The following CNTN1 variants were observed in gnomAD, a reference collection of about 807,000 sequenced individuals.
CNTN1 encodes the protein contactin-1.
In CNTN1, 38 loss-of-function variants were observed where a neutral mutation model predicts 126.4. That is an observed-to-expected ratio of 0.30 (90% confidence interval 0.23 to 0.39). CNTN1 has a LOEUF of 0.39. Among genes scored for constraint, CNTN1 ranks in the 10% least tolerant of loss-of-function variants. CNTN1 has a pLI of 1.00. For missense variants in CNTN1, 1,009 were observed against 1,248.4 expected (o/e 0.81, Z 2.89); for synonymous variants, 413 against 422.6 (o/e 0.98, Z 0.28).
intron 16 of CNTN1, among the ~76,000 whole-genome samples, chr12:40,985,543 CTT>C (rs1388634959): frequency 1.3e-5 from 2 of 152,008 alleles, no homozygotes; most frequent in African/African-American, 4.8e-5. Context: ...GTTCTGTTGT[CTT>C]TTGTCTCCAT....
chr12:40,944,199 C>A, intron 14 of CNTN1, 29 bp downstream of exon 14: 2 of 1,547,708 alleles, frequency 1.3e-6, no homozygotes, highest in Non-Finnish European at 1.8e-6. Flanking sequence ...ATCTTATTAA[C>A]ACCCCAGTGA....
intron 20 of CNTN1, among the ~76,000 whole-genome samples, chr12:41,022,180 A>G (rs1489138768): frequency 1.3e-5 from 2 of 152,216 alleles, no homozygotes; most frequent in African/African-American, 4.8e-5. Flanking sequence ...AGTGGAACCA[A>G]TGATTCAGAT....
chr12:40,841,339 A>T (rs2136582807), intron 1 of CNTN1, among the ~76,000 whole-genome samples: 1 of 152,160 alleles, frequency 6.6e-6, no homozygotes, highest in Middle Eastern at 3.4e-3. Flanking sequence ...TCACAGTTGA[A>T]TTCAATCATA....
chr12:40,993,702 C>T (rs184128631), intron 17 of CNTN1, among the ~76,000 whole-genome samples: 354 of 152,240 alleles, frequency 2.3e-3, no homozygotes, highest in Middle Eastern at 6.8e-3. Context: ...TCATTTATAA[C>T]TGAATGGCCA....
intron 3 of CNTN1, among the ~76,000 whole-genome samples, chr12:40,912,098 T>C (rs1158186351): frequency 6.6e-6 from 1 of 152,238 alleles, no homozygotes; most frequent in Non-Finnish European, 1.5e-5. Flanking sequence ...CATTAGTAGC[T>C]AGTGTTCAAA....
chr12:40,772,257 C>G (rs1447775796), intron 1 of CNTN1, among the ~76,000 whole-genome samples: 3 of 151,780 alleles, frequency 2.0e-5, no homozygotes, highest in African/African-American at 7.3e-5. Flanking sequence ...TATTTTTTAT[C>G]CATGTGGTAC....
intron 1 of CNTN1, among the ~76,000 whole-genome samples, chr12:40,755,775 G>A (rs1938587938): frequency 6.6e-6 from 1 of 151,986 alleles, no homozygotes. Context: ...AAGATCTTAT[G>A]TATAAGGGGG....
chr12:40,802,718 G>A (rs1170889381), intron 1 of CNTN1, among the ~76,000 whole-genome samples: 2 of 151,978 alleles, frequency 1.3e-5, no homozygotes, highest in South Asian at 2.1e-4. Context: ...GTGGCATGGT[G>A]AAAGACTCTA....
chr12:40,730,751 G>A (rs931078307), intron 1 of CNTN1, among the ~76,000 whole-genome samples: 2 of 151,982 alleles, frequency 1.3e-5, no homozygotes, highest in African/African-American at 2.4e-5. Flanking sequence ...GAGTGTCTGA[G>A]GCCTTATTGT....
At chr12:41,007,337 G>C (rs1324294201) in intron 17 of CNTN1, among the ~76,000 whole-genome samples, 1 of 152,138 alleles carries the variant, frequency 6.6e-6, no homozygotes, top group African/African-American at 2.4e-5. Context: ...TGGGATTACA[G>C]GCGTGAGCCA....
At chr12:40,935,116 C>G (rs1294754573) in intron 9 of CNTN1, among the ~76,000 whole-genome samples, 1 of 152,064 alleles carries the variant, frequency 6.6e-6, no homozygotes, top group South Asian at 2.1e-4. Flanking sequence ...CACTCTGTAC[C>G]CTGAATGCTC....
In CNTN1 at chr12:40,727,776, T is replaced by C. The variant is rs556288105; in HGVS notation, c.-77+35184T>C. On this transcript the variant is annotated intron_variant, in intron 1 of 23. Transcript: ENST00000551295. ...TATTAAAAATCCTAACATAAAAATA[T>C]GCACTGAATTTGATAGGCCTTCCCA... Among the ~76,000 whole-genome samples, 3 of 152,324 alleles carry C rather than the reference T, an allele frequency of 2.0e-5. No individual in the cohort carries two copies. The East Asian group carries it at 5.8e-4, about 29-fold the overall frequency.
chr12:40,722,396 A>C (rs1291097280), intron 1 of CNTN1, among the ~76,000 whole-genome samples: 1 of 152,194 alleles, frequency 6.6e-6, no homozygotes, highest in Non-Finnish European at 1.5e-5. Flanking sequence ...ACATATACAC[A>C]AGTTTCTAAA....
At chr12:40,697,462 T>G (rs1409328663) in intron 1 of CNTN1, among the ~76,000 whole-genome samples, 1 of 152,220 alleles carries the variant, frequency 6.6e-6, no homozygotes, top group Admixed American at 6.5e-5. Context: ...TAATAGGAAA[T>G]CTGAGGTATA....
In CNTN1 at chr12:40,843,577, G is replaced by A. The variant is rs552878446; in HGVS notation, c.-76-64780G>A. On this transcript the variant is annotated intron_variant, in intron 1 of 23. Transcript: ENST00000551295. ...TTTGTTATTAATATATTGATAATAA[G>A]GTCTTCTCGGCTCACATATGAATGG... 2.0e-5 allele frequency among the ~76,000 whole-genome samples: 3 copies of A among 152,224 alleles called. No homozygotes were observed. The South Asian group carries it at 6.2e-4, about 32-fold the overall frequency.
chr12:41,068,451 T>C (rs1226414525), intron 23 of CNTN1, among the ~76,000 whole-genome samples: 1 of 152,150 alleles, frequency 6.6e-6, no homozygotes, highest in Non-Finnish European at 1.5e-5. Flanking sequence ...CTCACTTTCC[T>C]GCTCATTTCT....
chr12:40,723,916 G>T (rs1195068710), intron 1 of CNTN1, among the ~76,000 whole-genome samples: 1 of 152,082 alleles, frequency 6.6e-6, no homozygotes, highest in Non-Finnish European at 1.5e-5. Flanking sequence ...CTAACTGCCT[G>T]GGCCTCTCCT....
At chr12:41,047,297 A>C (rs1437440025) in intron 23 of CNTN1, among the ~76,000 whole-genome samples, 3 of 151,922 alleles carry the variant, frequency 2.0e-5, no homozygotes, top group African/African-American at 7.3e-5. Context: ...AAACCTTCCC[A>C]CTGTTCCCTC....
intron 1 of CNTN1, among the ~76,000 whole-genome samples, chr12:40,905,688 T>C (rs1944783226): frequency 6.6e-6 from 1 of 152,136 alleles, no homozygotes; most frequent in African/African-American, 2.4e-5. Flanking sequence ...AATTGCTTGA[T>C]TGGCATTAAA....
Sources: allele counts gnomAD v4.1 joint callset (sites outside exome capture counted in the v4.1 genomes callset), GRCh38; gene constraint gnomAD v4.1.1; transcripts MANE v1.5; gene names NCBI Gene and HGNC (gene_info 2026-07-23, HGNC 2026-07-21).